Variants in COL13A1 observed in about 807,000 individuals in gnomAD.
COL13A1 encodes the protein collagen alpha-1(XIII) chain.
COL13A1 carries 89 observed loss-of-function variants against 130.9 expected under a neutral mutation model. The observed-to-expected ratio is 0.68, with a 90% confidence interval of 0.57 to 0.81. COL13A1 has a LOEUF of 0.81. Ranked by LOEUF, COL13A1 falls within the 30% of genes least tolerant of loss-of-function variation. The pLI is 0.00. For missense variants in COL13A1, 879 were observed against 934.6 expected, an observed-to-expected ratio of 0.94 and a Z score of 0.78; for synonymous variants, 402 against 341.6, an observed-to-expected ratio of 1.18 and a Z score of -1.95.
At chr10:69,889,496 C>G (rs1032724370) in intron 10 of COL13A1, 56 bp downstream of exon 10, 1 of 1,593,568 alleles carries the variant, frequency 6.3e-7, no homozygotes, top group African/African-American at 1.3e-5. Flanking sequence ...CCCAGCCTCA[C>G]AGGCACAGCC....
chr10:69,890,146 T>G (rs2061028833), intron 10 of COL13A1, among the ~76,000 whole-genome samples: 1 of 151,948 alleles, frequency 6.6e-6, no homozygotes, highest in Admixed American at 6.6e-5. Context: ...TGGCCCAGCT[T>G]TCTCCTGGCC....
chr10:69,912,379 T>G (rs2063476119), intron 17 of COL13A1, among the ~76,000 whole-genome samples: 3 of 152,154 alleles, frequency 2.0e-5, no homozygotes, highest in Admixed American at 6.5e-5. Flanking sequence ...TCCTCTCTGG[T>G]GTGGAAGATG....
chr10:69,874,201 C>T (rs1238406505), intron 4 of COL13A1, among the ~76,000 whole-genome samples: 4 of 152,226 alleles, frequency 2.6e-5, no homozygotes, highest in Admixed American at 6.5e-5. Context: ...TGGTGTGCCC[C>T]ACATACATGG....
chr10:69,854,380 A>C (rs1855815937), intron 2 of COL13A1, among the ~76,000 whole-genome samples: 1 of 152,152 alleles, frequency 6.6e-6, no homozygotes, highest in African/African-American at 2.4e-5. Context: ...AGCCTAGGCA[A>C]CACGGCGAAA....
chr10:69,850,979 C>T (rs1355071153), intron 2 of COL13A1, among the ~76,000 whole-genome samples: 1 of 152,200 alleles, frequency 6.6e-6, no homozygotes, highest in Non-Finnish European at 1.5e-5. Context: ...ACAAGTCCTT[C>T]ATTCCCTAAA....
chr10:69,853,356 A>G (rs900371636), intron 2 of COL13A1, among the ~76,000 whole-genome samples: 8 of 152,060 alleles, frequency 5.3e-5, no homozygotes, highest in East Asian at 1.9e-4. Context: ...GCCATTTCCA[A>G]TGAGGCCTCT....
At chr10:69,809,876 T>C (rs1259473306) in intron 1 of COL13A1, among the ~76,000 whole-genome samples, 1 of 152,136 alleles carries the variant, frequency 6.6e-6, no homozygotes, top group Admixed American at 6.5e-5. Context: ...CTTCCCAGGG[T>C]GGATGGGTTT....
At chr10:69,951,203 C>G (rs2069506562) in intron 38 of COL13A1, among the ~76,000 whole-genome samples, 1 of 152,108 alleles carries the variant, frequency 6.6e-6, no homozygotes, top group African/African-American at 2.4e-5. Context: ...TGCAGCCTTC[C>G]ACTGCAGGAA....
chr10:69,853,665 C>CTTCG (rs1323729035), intron 2 of COL13A1, among the ~76,000 whole-genome samples: 2 of 152,286 alleles, frequency 1.3e-5, no homozygotes, highest in East Asian at 3.9e-4. Context: ...AACACAGAAA[C>CTTCG]TTCGTGATCT....
At chr10:69,894,931 C>G (rs76326625) in intron 12 of COL13A1, among the ~76,000 whole-genome samples, 1,655 of 152,240 alleles carry the variant, frequency 0.011, 31 homozygotes, top group African/African-American at 0.038. Flanking sequence ...TTCCAGGGGT[C>G]CTCCTGGAGC....
chr10:69,850,238 G>A (rs187511033), intron 2 of COL13A1, among the ~76,000 whole-genome samples: 1 of 151,028 alleles, frequency 6.6e-6, no homozygotes, highest in Non-Finnish European at 1.5e-5. Flanking sequence ...TGGAACTCTA[G>A]GTAAGTTTAG....
At chr10:69,895,650 T>C in intron 13 of COL13A1, 74 bp downstream of exon 13, 1 of 1,508,528 alleles carries the variant, frequency 6.6e-7, no homozygotes, top group Non-Finnish European at 9.2e-7. Flanking sequence ...CAGCCTCATC[T>C]CCCTGGGGTC....
intron 1 of COL13A1, among the ~76,000 whole-genome samples, chr10:69,815,887 C>CA (rs11393895): frequency 0.66 from 97,423 of 148,664 alleles, 31,964 homozygotes; most frequent in South Asian, 0.69. Flanking sequence ...GAAAAATAAG[C>CA]AAAAAAAAAA....
chr10:69,805,229 C>T (rs1841222656), intron 1 of COL13A1, among the ~76,000 whole-genome samples: 1 of 151,986 alleles, frequency 6.6e-6, no homozygotes, highest in Non-Finnish European at 1.5e-5. Context: ...CAGTTATGCC[C>T]CTAGAGTGAG....
At chr10:69,877,334 G>A (rs7073593) in intron 5 of COL13A1, 11,651 of 152,764 alleles carry the variant, frequency 0.076, 690 homozygotes, top group African/African-American at 0.16. Context: ...TCACTGACCT[G>A]TGCTCCGTTC....
At chr10:69,821,489 G>A (rs1846064900) in intron 1 of COL13A1, among the ~76,000 whole-genome samples, 1 of 152,210 alleles carries the variant, frequency 6.6e-6, no homozygotes, top group Non-Finnish European at 1.5e-5. Flanking sequence ...CTGGGTATCA[G>A]GTGCCATTCT....
intron 2 of COL13A1, among the ~76,000 whole-genome samples, chr10:69,851,862 C>A (rs1485975806): frequency 1.3e-5 from 2 of 152,164 alleles, no homozygotes. Context: ...GCCACGTTGG[C>A]CAGGCTGGTC....
At chr10:69,853,521 C>T (rs1055751043) in intron 2 of COL13A1, among the ~76,000 whole-genome samples, 2 of 152,122 alleles carry the variant, frequency 1.3e-5, no homozygotes, top group African/African-American at 4.8e-5. Flanking sequence ...ATGAGGTCAA[C>T]GCAAGTATAA....
intron 30 of COL13A1, chr10:69,931,357 G>A: frequency 2.6e-6 from 1 of 379,720 alleles, no homozygotes; most frequent in South Asian, 1.9e-5. Flanking sequence ...ACTGTGACGA[G>A]GCTGCCCTAA....
Sources: allele counts gnomAD v4.1 joint callset (sites outside exome capture counted in the v4.1 genomes callset), GRCh38; gene constraint gnomAD v4.1.1; transcripts MANE v1.5; gene names NCBI Gene and HGNC (gene_info 2026-07-23, HGNC 2026-07-21).